PYROXD1: variants seen among roughly 807,000 people sequenced by gnomAD.
PYROXD1 encodes tRNA ligase complex-associated NAD(P)H dehydrogenase PYROXD1.
Under a neutral mutation model 62.0 loss-of-function variants are expected in PYROXD1, and 42 were observed. That is an observed-to-expected ratio of 0.68 (90% CI 0.53 to 0.88). The LOEUF (loss-of-function observed/expected upper bound fraction) is 0.88, where lower values mean the gene tolerates loss of function less well. PYROXD1 is among the 40% of genes least tolerant of loss of function. The pLI, the probability that PYROXD1 is intolerant of heterozygous loss-of-function variation, is 0.00. For synonymous variants in PYROXD1, 170 were observed against 206.4 expected (o/e 0.82, Z 1.51); for missense variants, 493 against 604.8 (o/e 0.82, Z 1.94).
intron 8 of PYROXD1, 69 bp downstream of exon 8, chr12:21,461,223 T>C (rs1046264173): frequency 3.1e-6 from 3 of 968,378 alleles, no homozygotes; most frequent in Non-Finnish European, 4.3e-6. Context: ...AATCCTGCTG[T>C]GTTCTATTAA....
At position 21,462,632 on chromosome 12, in the gene PYROXD1, A is replaced by T. The variant is rs1001743062; in HGVS notation, c.994-108A>T. 5.6e-6 allele frequency: 7 copies of T among 1,259,842 alleles called. No individual in the cohort carries two copies. In the African/African-American group the frequency reaches 1.1e-4, roughly 19 times the overall value. The allele number at this position is 1,259,842 out of a possible 1,614,324, so 78.0% of individuals were successfully genotyped here. On this transcript the variant is annotated intron_variant, in intron 9 of 11. Coordinates refer to ENST00000240651, the MANE Select transcript of PYROXD1 (RefSeq NM_024854.5). Reference sequence around the variant, plus strand: ...TGCTGATATTTTTCATTTTCTCATTAAAGATGAGCATGCAAAGTGTAACAA... The same window carrying T: ...TGCTGATATTTTTCATTTTCTCATTTAAGATGAGCATGCAAAGTGTAACAA...
At chr12:21,453,081 G>A (rs887993312) in intron 5 of PYROXD1, among the ~76,000 whole-genome samples, 2 of 152,072 alleles carry the variant, frequency 1.3e-5, no homozygotes, top group African/African-American at 2.4e-5. Flanking sequence ...GGCCAAGAGG[G>A]AAGAGGTATA....
rs1942890145 is a variant in PYROXD1, at chr12:21,469,872, G to T, written c.*1118G>T. 4 of 196,820 alleles carry T rather than the reference G, an allele frequency of 2.0e-5. No individual in the cohort carries two copies. The South Asian group carries it at 3.8e-4, about 19-fold the overall frequency. The allele number at this position is 196,820 out of a possible 1,614,324, so 12.2% of individuals were successfully genotyped here. A position where few individuals can be genotyped will look rare whatever the true frequency, so the allele number is the denominator to read the frequency against. On this transcript the variant is annotated 3_prime_UTR_variant, in exon 12 of 12. Coordinates refer to ENST00000240651, the MANE Select transcript of PYROXD1 (RefSeq NM_024854.5). The stretch of plus-strand genomic sequence containing the variant: ...ATATTGCTTTCAAAAAGATAGTTAT[G>T]TCAAAAGAAAAAATATAGCTAAGTA...
intron 10 of PYROXD1, among the ~76,000 whole-genome samples, chr12:21,463,211 C>T (rs974299749): frequency 2.6e-5 from 4 of 152,100 alleles, no homozygotes; most frequent in Non-Finnish European, 5.9e-5. Context: ...CACATGAGCA[C>T]TTGAAATGTG....
In PYROXD1 at chr12:21,444,086, A is replaced by G. The variant is rs1485476616; in HGVS notation, c.166-1261A>G. ...GAATTCAGTTTTTGCCGGTTTTGTA[A>G]GTTATATACAACAGAAGGAAAAAGC... On this transcript the variant is annotated intron_variant, in intron 2 of 11. Transcript: ENST00000240651. 2.6e-5 allele frequency among the ~76,000 whole-genome samples: 4 copies of G among 152,148 alleles called. No individual in the cohort carries two copies. In the East Asian group the frequency reaches 7.7e-4, roughly 29 times the overall value.
intron 4 of PYROXD1, among the ~76,000 whole-genome samples, chr12:21,450,410 A>G (rs4762829): frequency 0.49 from 75,090 of 151,988 alleles, 18,600 homozygotes; most frequent in Middle Eastern, 0.6. Context: ...AAAAAAATTC[A>G]AAAGATCTTT....
chr12:21,453,191 T>C (rs1286735869), intron 5 of PYROXD1, among the ~76,000 whole-genome samples: 1 of 152,100 alleles, frequency 6.6e-6, no homozygotes, highest in Non-Finnish European at 1.5e-5. Context: ...ATTATTATAA[T>C]TGTTATTTAC....
chr12:21,461,506 C>T (rs1942697938), intron 8 of PYROXD1, among the ~76,000 whole-genome samples: 4 of 152,152 alleles, frequency 2.6e-5, no homozygotes, highest in Admixed American at 2.6e-4. Context: ...AGATGCAGCT[C>T]TCCTAACTCC....
intron 7 of PYROXD1, among the ~76,000 whole-genome samples, chr12:21,460,253 G>T (rs947670176): frequency 6.6e-5 from 10 of 151,820 alleles, no homozygotes; most frequent in African/African-American, 2.4e-4. Context: ...TTTAACCTGA[G>T]AACTTCAACA....
At chr12:21,440,599 A>G in intron 2 of PYROXD1, 151 bp downstream of exon 2, 1 of 512,588 alleles carries the variant, frequency 2.0e-6, no homozygotes, top group South Asian at 3.4e-5. Context: ...ACATGTATAC[A>G]TTGTGGAATG....
intron 8 of PYROXD1, among the ~76,000 whole-genome samples, chr12:21,461,447 T>G (rs1245328361): frequency 6.6e-6 from 1 of 152,132 alleles, no homozygotes; most frequent in Non-Finnish European, 1.5e-5. Context: ...CTCTTAAAGG[T>G]GACATGATTT....
intron 7 of PYROXD1, among the ~76,000 whole-genome samples, chr12:21,457,944 G>T (rs537190775): frequency 2.1e-5 from 3 of 145,924 alleles, no homozygotes; most frequent in Non-Finnish European, 4.6e-5. Flanking sequence ...CAGAGGACAG[G>T]CAGGGTAGAT....
Position 21,462,078 on chromosome 12 carries a change from A to G in PYROXD1, c.951A>G (p.Thr317=). Residue 317 remains threonine, a synonymous_variant, in exon 9 of 12, where the codon ACA becomes ACG. Coordinates refer to ENST00000240651, the MANE Select transcript of PYROXD1 (RefSeq NM_024854.5). The part of the protein sequence containing the change: ...IYGCDFIVSA[T]GVTPNVEPFL... ...GCTGCGATTTCATTGTCAGTGCTAC[A>G]GGAGTTACACCAAATGTAGAACCTT... The G allele has an allele frequency of 6.2e-7, 1 of 1,613,138 alleles. No individual in the cohort carries two copies. The highest frequency in any genetic ancestry group is 1.1e-5 in the South Asian group (1 of 91,044).
chr12:21,438,419 C>T (rs1942234280), intron 1 of PYROXD1: 1 of 152,316 alleles, frequency 6.6e-6, no homozygotes, highest in African/African-American at 2.4e-5. Context: ...CATTACAGGC[C>T]TGAGCCACAG....
In PYROXD1 at chr12:21,462,744, A is replaced by G. The variant is rs758899544; in HGVS notation, c.998A>G (p.Asp333Gly). ...CTTATGAGGAATGTTGTTTAGTTTG[A>G]TCTAGGAGAAGATGGTGGCCTGAAA... ...VEPFLHGNSFDLGEDGGLKVD... is the reference protein window; with the variant it reads ...VEPFLHGNSFGLGEDGGLKVD... The change falls in exon 10 of 12, where the codon GAT becomes GGT. Residue 333 changes from aspartate (D) to glycine (G), a missense_variant. Asp to Gly is a moderately conservative substitution (Grantham distance 94). This residue lies in a region of PYROXD1 where 329 missense variants were observed against 446.6 expected (regional missense o/e 0.74). Coordinates refer to ENST00000240651, the MANE Select transcript of PYROXD1 (RefSeq NM_024854.5). The G allele has an allele frequency of 2.5e-6, 4 of 1,613,430 alleles. No homozygotes were observed. Among genetic ancestry groups the G allele is most frequent in the African/African-American group, 1.3e-5 (1 of 74,912 alleles).
intron 3 of PYROXD1, chr12:21,447,872 C>G (rs901150996): frequency 5.3e-6 from 1 of 187,422 alleles, no homozygotes; most frequent in African/African-American, 2.4e-5. Context: ...GCCTGTAGTC[C>G]CAGCTACTTG....
At chr12:21,467,402 A>C in intron 10 of PYROXD1, 79 bp from the exon 11 acceptor site, 1 of 1,354,030 alleles carries the variant, frequency 7.4e-7, no homozygotes, top group Non-Finnish European at 1.0e-6. Context: ...GAACTCCTTT[A>C]AGTGAATTTA....
intron 2 of PYROXD1, among the ~76,000 whole-genome samples, chr12:21,442,570 C>T (rs563413531): frequency 6.6e-6 from 1 of 152,316 alleles, no homozygotes; most frequent in South Asian, 2.1e-4. Flanking sequence ...GGCCGTAGAA[C>T]CTGGGTCTGA....
At position 21,467,525 on chromosome 12, in the gene PYROXD1, A is replaced by G. The variant is rs77092800; in HGVS notation, c.1161A>G (p.Ala387=). The G allele has an allele frequency of 1.8e-5, 29 of 1,610,554 alleles. No individual in the cohort carries two copies. Among genetic ancestry groups the G allele is most frequent in the African/African-American group, 4.0e-5 (3 of 74,882 alleles). Residue 387 remains alanine (A), a synonymous_variant, in exon 11 of 12, where the codon GCA becomes GCG. Coordinates refer to ENST00000240651, the MANE Select transcript of PYROXD1 (RefSeq NM_024854.5). ...CTAGACAGATGGGATGGTATGCAGCAAAGTGCATGGCTGCAGCGAGTTCAG... is the reference window on the plus strand; with the variant it reads ...CTAGACAGATGGGATGGTATGCAGCGAAGTGCATGGCTGCAGCGAGTTCAG... ...TQARQMGWYA[A]KCMAAASSGD...
Sources: allele counts gnomAD v4.1 joint callset (sites outside exome capture counted in the v4.1 genomes callset), GRCh38; gene constraint gnomAD v4.1.1; regional missense constraint gnomAD v4.1.1; transcripts MANE v1.5; gene names NCBI Gene and HGNC (gene_info 2026-07-23, HGNC 2026-07-21).